SH3KBP1: variants seen among roughly 807,000 people sequenced by gnomAD.
SH3KBP1 encodes the protein SH3 domain containing kinase binding protein 1.
Under a neutral mutation model 50.1 loss-of-function variants are expected in SH3KBP1, and 8 were observed. The observed-to-expected ratio is 0.16, with a 90% CI of 0.09 to 0.29. The LOEUF (loss-of-function observed/expected upper bound fraction) is 0.29, where lower values mean the gene tolerates loss of function less well. Ranked by LOEUF, SH3KBP1 falls within the 10% of genes least tolerant of loss-of-function variation. The pLI, the probability that SH3KBP1 is intolerant of heterozygous loss-of-function variation, is 1.00. For synonymous variants in SH3KBP1, 227 were observed against 218.6 expected (o/e 1.04, Z -0.34); for missense variants, 377 against 535.2 (o/e 0.70, Z 2.92).
Position 19,547,767 on chromosome X carries a change from C to G in SH3KBP1, c.1495-1717G>C, listed in dbSNP as rs1206254241. 3.6e-5 allele frequency among the ~76,000 whole-genome samples: 4 copies of G among 111,852 alleles called. No individual in the cohort carries two copies. In the East Asian group the frequency reaches 1.1e-3, roughly 31 times the overall value. The stretch of plus-strand genomic sequence containing the variant: ...GGTCAGAGGCCCCAGGCTGGGGAAT[C>G]ATGACTGGTGCATTTCCTCCATCAT... On this transcript the variant is annotated intron_variant, in intron 14 of 17. Transcript: ENST00000397821.
At chrX:19,572,414 CATGTTATATAGTACATAT>C (rs1271200522) in intron 12 of SH3KBP1, among the ~76,000 whole-genome samples, 1 of 99,312 alleles carries the variant, frequency 1.0e-5, no homozygotes, top group African/African-American at 4.1e-5. Flanking sequence ...ATAGTACATA[CATGTTATATAGTACATAT>C]ATGTTATATA....
intron 6 of SH3KBP1, among the ~76,000 whole-genome samples, chrX:19,665,680 C>A (rs1233533516): frequency 8.9e-6 from 1 of 111,897 alleles, no homozygotes; most frequent in Non-Finnish European, 1.9e-5. Flanking sequence ...TAAATGGCCT[C>A]CAATGCCACA....
At chrX:19,874,068 A>AATATATATATATATATATATATATAT (rs1412019430) in intron 1 of SH3KBP1, among the ~76,000 whole-genome samples, 1 of 57,031 alleles carries the variant, frequency 1.8e-5, no homozygotes, top group African/African-American at 1.6e-4. Context: ...AAAAAAAAAA[A>AATATATATATATATATATATATATAT]ATATATATAT....
At chrX:19,589,187 G>A (rs747651201) in intron 11 of SH3KBP1, among the ~76,000 whole-genome samples, 3 of 112,585 alleles carry the variant, frequency 2.7e-5, no homozygotes, top group Admixed American at 9.3e-5. Context: ...TTACAAACAC[G>A]CTCAGACACT....
intron 4 of SH3KBP1, among the ~76,000 whole-genome samples, chrX:19,702,330 C>T (rs1006479902): frequency 8.1e-5 from 9 of 111,562 alleles, no homozygotes; most frequent in South Asian, 3.8e-4. Context: ...GTTTTGATGA[C>T]GTTCAAGGGC....
intron 2 of SH3KBP1, among the ~76,000 whole-genome samples, chrX:19,752,557 C>T (rs2065095528): frequency 9.0e-6 from 1 of 111,326 alleles, no homozygotes; most frequent in South Asian, 3.8e-4. Context: ...TGAGAGATCT[C>T]AGAACAGCAG....
rs181300120 is a variant in SH3KBP1, at chrX:19,687,226, A to G, written c.521-3198T>C. ...ATGGTTTATTGGTTTCCAGTGACCCACTCAGAGAAAGCAATAACCATGAGA... is the reference window on the plus strand; with the variant it reads ...ATGGTTTATTGGTTTCCAGTGACCCGCTCAGAGAAAGCAATAACCATGAGA... On this transcript the variant is annotated intron_variant, in intron 5 of 17. Coordinates refer to ENST00000397821, the MANE Select transcript of SH3KBP1 (RefSeq NM_031892.3). Among the ~76,000 whole-genome samples the G allele has an allele frequency of 2.0e-4, 23 of 112,840 alleles. No homozygotes were observed. The East Asian group carries it at 5.3e-3, about 26-fold the overall frequency.
chrX:19,613,234 A>C (rs989885217), intron 8 of SH3KBP1, among the ~76,000 whole-genome samples: 1 of 112,287 alleles, frequency 8.9e-6, no homozygotes, highest in Non-Finnish European at 1.9e-5. Context: ...TTTGTTTCCA[A>C]ATCTGGGGCG....
At chrX:19,612,875 A>T (rs1220190750) in intron 8 of SH3KBP1, among the ~76,000 whole-genome samples, 1 of 112,234 alleles carries the variant, frequency 8.9e-6, no homozygotes, top group Non-Finnish European at 1.9e-5. Context: ...CAAGGACAAG[A>T]ACTGAGGCAA....
At chrX:19,668,974 A>T (rs377099844) in intron 6 of SH3KBP1, among the ~76,000 whole-genome samples, 17,692 of 63,664 alleles carry the variant, frequency 0.28, 2,274 homozygotes, top group African/African-American at 0.46. Flanking sequence ...ATATATATAT[A>T]TTTTTTGAGA....
chrX:19,796,092 G>A (rs1163834605), intron 2 of SH3KBP1, among the ~76,000 whole-genome samples: 1 of 111,954 alleles, frequency 8.9e-6, no homozygotes, highest in Non-Finnish European at 1.9e-5. Context: ...ACACAGTGAA[G>A]GCAGCTACTG....
At chrX:19,760,900 G>A (rs1055359547) in intron 2 of SH3KBP1, among the ~76,000 whole-genome samples, 2 of 109,158 alleles carry the variant, frequency 1.8e-5, no homozygotes, top group South Asian at 4.1e-4. Context: ...AACTCCTAGT[G>A]TGGTTGGTTT....
At chrX:19,748,077 G>A (rs1411646287) in intron 2 of SH3KBP1, among the ~76,000 whole-genome samples, 1 of 112,178 alleles carries the variant, frequency 8.9e-6, no homozygotes, top group Non-Finnish European at 1.9e-5. Flanking sequence ...GCCACCAAGT[G>A]GGCTCATTTC....
intron 2 of SH3KBP1, among the ~76,000 whole-genome samples, chrX:19,763,743 C>T (rs950266965): frequency 9.0e-6 from 1 of 111,437 alleles, no homozygotes; most frequent in Non-Finnish European, 1.9e-5. Context: ...CAAAGTAGGC[C>T]GGGCACGGTG....
chrX:19,708,327 T>C (rs952281649), intron 3 of SH3KBP1, among the ~76,000 whole-genome samples: 16 of 112,538 alleles, frequency 1.4e-4, no homozygotes, highest in African/African-American at 5.2e-4. Context: ...ATCGATATCT[T>C]GTCTAATCAC....
chrX:19,679,595 T>C (rs370572046), intron 6 of SH3KBP1, among the ~76,000 whole-genome samples: 4 of 111,944 alleles, frequency 3.6e-5, no homozygotes, highest in South Asian at 7.5e-4. Flanking sequence ...AAATGGTACA[T>C]GTTTCTCCAA....
chrX:19,846,286 G>A (rs2068367750), intron 1 of SH3KBP1, among the ~76,000 whole-genome samples: 1 of 112,025 alleles, frequency 8.9e-6, no homozygotes, highest in South Asian at 3.7e-4. Flanking sequence ...CTAACCTCAA[G>A]TGATTGGCCA....
intron 2 of SH3KBP1, among the ~76,000 whole-genome samples, chrX:19,776,488 A>G (rs930233067): frequency 8.6e-4 from 90 of 104,870 alleles, no homozygotes; most frequent in Non-Finnish European, 1.3e-3. Context: ...AAAATAAAAG[A>G]ATTTTTTTTA....
chrX:19,582,450 C>A (rs773505017), intron 12 of SH3KBP1, among the ~76,000 whole-genome samples: 1 of 112,095 alleles, frequency 8.9e-6, no homozygotes, highest in Non-Finnish European at 1.9e-5. Flanking sequence ...CCGGCCCCTC[C>A]TTCCTCGGTA....
Sources: gnomAD v4.1 joint callset for allele counts (sites outside exome capture counted in the v4.1 genomes callset) on GRCh38, gnomAD v4.1.1 for gene constraint, MANE v1.5 for transcripts, NCBI Gene and HGNC (gene_info 2026-07-23, HGNC 2026-07-21) for gene names.